Variants in SURF4 observed in about 807,000 individuals in gnomAD.
SURF4 encodes the protein surfeit locus protein 4.
A neutral mutation model predicts 30.0 loss-of-function variants in SURF4; 3 were observed. That is an observed-to-expected ratio of 0.10 (90% CI 0.05 to 0.26). The LOEUF (loss-of-function observed/expected upper bound fraction) is 0.26, where lower values mean the gene tolerates loss of function less well. Ranked by LOEUF, SURF4 falls within the 10% of genes least tolerant of loss-of-function variation. The probability of loss-of-function intolerance (pLI) is 1.00; values close to 1 mark genes in which losing one functional copy is unlikely to be tolerated. For synonymous variants in SURF4, 143 were observed against 139.9 expected, an observed-to-expected ratio of 1.02 and a Z score of -0.16; for missense variants, 217 against 350.8, an observed-to-expected ratio of 0.62 and a Z score of 3.05.
intron 1 of SURF4, chr9:133,370,939 A>C (rs2130185026): frequency 2.3e-6 from 3 of 1,289,714 alleles, no homozygotes; most frequent in Non-Finnish European, 3.0e-6. Context: ...GATATGGTTC[A>C]TAAGCAGTGA....
intron 1 of SURF4, among the ~76,000 whole-genome samples, chr9:133,373,718 A>ACCAGCC (rs1837647790): frequency 2.6e-5 from 4 of 151,816 alleles, no homozygotes; most frequent in Non-Finnish European, 5.9e-5. Flanking sequence ...GGGAGTTCGA[A>ACCAGCC]ACCAGCCTGG....
In SURF4 at chr9:133,364,816, G is replaced by A; in HGVS notation, c.543+24C>T. 2.5e-6 allele frequency: 4 copies of A among 1,613,400 alleles called. No individual in the cohort carries two copies. In the South Asian group the frequency reaches 4.4e-5, roughly 18 times the overall value. ...ACAGCATTCACAGGAAACCAGACCG[G>A]TTCAGGCAAGTAGGAATACTTACAG... On this transcript the variant is annotated intron_variant, in intron 5 of 5. Transcript: ENST00000371989.
At chr9:133,367,139 A>G (rs1302708616) in intron 2 of SURF4, 120 bp downstream of exon 2, 33 of 1,282,126 alleles carry the variant, frequency 2.6e-5, no homozygotes, top group Non-Finnish European at 3.5e-5. Context: ...GCTGGAGAAG[A>G]GGGGAATGGA....
At position 133,363,440 on chromosome 9, in the gene SURF4, A is replaced by C. The variant is rs1002662178; in HGVS notation, c.*53T>G. On this transcript the variant is annotated 3_prime_UTR_variant, in exon 6 of 6. Transcript: ENST00000371989. This position sits in a 1 kb window ranked among gnomAD's most constrained non-coding sequence, Gnocchi z 4.3. Reference sequence around the variant, plus strand: ...GGCAGTTTTGTTGAATCCACCCCGAACCAGTCCTTGACGGCCACGGGTCTT... The same window carrying C: ...GGCAGTTTTGTTGAATCCACCCCGACCCAGTCCTTGACGGCCACGGGTCTT... 1.1e-5 allele frequency: 18 copies of C among 1,614,126 alleles called. No homozygotes were observed. Among genetic ancestry groups the C allele is most frequent in the Non-Finnish European group, 1.5e-5 (18 of 1,179,998 alleles).
Position 133,375,981 on chromosome 9 carries a change from G to A in SURF4, c.-12C>T. On this transcript the variant is annotated 5_prime_UTR_variant, in exon 1 of 6. Coordinates refer to ENST00000371989, the MANE Select transcript of SURF4 (RefSeq NM_033161.4). ...TCGTTCTGGCCCATGGCGACGGCGG[G>A]AGGCTCGGCTCGGCTCGCTCGCTCG... is the stretch of plus-strand genomic sequence containing the variant. 4 of 1,228,050 alleles carry A rather than the reference G, an allele frequency of 3.3e-6. No individual in the cohort carries two copies. Among genetic ancestry groups the A allele is most frequent in the Non-Finnish European group, 4.1e-6 (4 of 981,992 alleles). The allele number at this position is 1,228,050 out of a possible 1,614,324, so 76.1% of individuals were successfully genotyped here.
upstream of SURF4, chr9:133,376,244 T>C: frequency 6.2e-6 from 8 of 1,298,360 alleles, no homozygotes; most frequent in Non-Finnish European, 6.8e-6. Context: ...GCCACGCCTC[T>C]CACGCTGGAG....
intron 1 of SURF4, 128 bp from the exon 2 acceptor site, chr9:133,367,573 C>A: frequency 6.5e-7 from 1 of 1,540,124 alleles, no homozygotes; most frequent in East Asian, 2.4e-5. Flanking sequence ...TTGTCAGCCC[C>A]GGTGCCTTCC....
At chr9:133,367,623 G>A (rs1364353143) in intron 1 of SURF4, 178 bp from the exon 2 acceptor site, 41 of 1,464,990 alleles carry the variant, frequency 2.8e-5, no homozygotes, top group Middle Eastern at 4.9e-4. Flanking sequence ...GCTCCTGAGC[G>A]CTACCCTGTG....
At chr9:133,376,690 C>G (rs1468784082), upstream of SURF4, 1 of 753,842 alleles carries the variant, frequency 1.3e-6, no homozygotes. Context: ...CCTGCAGCTC[C>G]TAGGTTGAAC....
chr9:133,363,767 G>A lies in SURF4; in HGVS notation c.544-8C>T, dbSNP rs2130092186. Reference sequence around the variant, plus strand: ...CACGATGTTCTGGACAATCTGCATAGGTTGAAACGTAAGAAATTCAAAATA... The same window carrying A: ...CACGATGTTCTGGACAATCTGCATAAGTTGAAACGTAAGAAATTCAAAATA... On this transcript the variant is annotated splice_polypyrimidine_tract_variant and splice_region_variant and intron_variant, in intron 5 of 5. Transcript: ENST00000371989. This position sits in a 1 kb window ranked among gnomAD's most constrained non-coding sequence, Gnocchi z 4.3. 9 of 1,613,566 alleles carry A rather than the reference G, an allele frequency of 5.6e-6. No individual in the cohort carries two copies. Among genetic ancestry groups the A allele is most frequent in the Non-Finnish European group, 7.6e-6 (9 of 1,179,616 alleles).
chr9:133,375,354 G>C, intron 1 of SURF4: 3 of 984,716 alleles, frequency 3.0e-6, no homozygotes, highest in Non-Finnish European at 3.6e-6. Context: ...GGGAGACGCA[G>C]ACAGGGTCAA....
rs1372820825 is a variant in SURF4, at chr9:133,364,760, G to A, written c.543+80C>T. ...AGGCTGTGGTTAATACCCAACCAGGGAGGGGTGAGCAGGGAGGGGGTGGGG... is the reference window on the plus strand; with the variant it reads ...AGGCTGTGGTTAATACCCAACCAGGAAGGGGTGAGCAGGGAGGGGGTGGGG... On this transcript the variant is annotated intron_variant, in intron 5 of 5. Coordinates refer to ENST00000371989, the MANE Select transcript of SURF4 (RefSeq NM_033161.4). 4 of 1,440,532 alleles carry A rather than the reference G, an allele frequency of 2.8e-6. No homozygotes were observed. The African/African-American group carries it at 5.6e-5, about 20-fold the overall frequency. 89.2% of individuals were successfully genotyped at this position (1,440,532 alleles called of 1,614,324 possible).
At chr9:133,369,307 G>T (rs1362790280) in intron 1 of SURF4, among the ~76,000 whole-genome samples, 4 of 152,182 alleles carry the variant, frequency 2.6e-5, no homozygotes, top group Non-Finnish European at 4.4e-5. Context: ...CACCAAGTGG[G>T]TTTGGGAGAT....
At position 133,362,445 on chromosome 9, in the gene SURF4, G is replaced by A. The variant is rs965149354; in HGVS notation, c.*1048C>T. Reference sequence around the variant, plus strand: ...GGCATAGCAAACGGACAATCTGAGTGAGCGACAGCCTCAGGAAAGTGGTGT... The same window carrying A: ...GGCATAGCAAACGGACAATCTGAGTAAGCGACAGCCTCAGGAAAGTGGTGT... On this transcript the variant is annotated 3_prime_UTR_variant, in exon 6 of 6. Transcript: ENST00000371989. The A allele has an allele frequency of 1.3e-5, 2 of 152,692 alleles. No individual in the cohort carries two copies. The highest frequency in any genetic ancestry group is 1.5e-5 in the Non-Finnish European group (1 of 68,044). 9.5% of individuals were successfully genotyped at this position (152,692 alleles called of 1,614,324 possible). A position where few individuals can be genotyped will look rare whatever the true frequency, so the allele number is the denominator to read the frequency against.
upstream of SURF4, chr9:133,376,108 C>T (rs1324600495): frequency 8.3e-6 from 10 of 1,202,810 alleles, no homozygotes; most frequent in Non-Finnish European, 1.0e-5. Context: ...CCAGCGGCTG[C>T]CACGTAGGCC....
chr9:133,371,555 C>A (rs1258385545), intron 1 of SURF4, among the ~76,000 whole-genome samples: 1 of 152,250 alleles, frequency 6.6e-6, no homozygotes, highest in African/African-American at 2.4e-5. Context: ...CTGGGAGGAG[C>A]CCCGCTAACC....
At position 133,362,282 on chromosome 9, in the gene SURF4, C is replaced by G. The variant is rs1023829142; in HGVS notation, c.*1211G>C. The stretch of plus-strand genomic sequence containing the variant: ...CTTGTGGCATTTACTATGGTGCAGA[C>G]GACAGGGAGCAACAAGCAGTTAAGC... On this transcript the variant is annotated 3_prime_UTR_variant, in exon 6 of 6. Transcript: ENST00000371989. 2 of 152,404 alleles carry G rather than the reference C, an allele frequency of 1.3e-5. No individual in the cohort carries two copies. Among genetic ancestry groups the G allele is most frequent in the Admixed American group, 1.3e-4 (2 of 15,264 alleles). The allele number at this position is 152,404 out of a possible 1,614,324, so 9.4% of individuals were successfully genotyped here. A position where few individuals can be genotyped will look rare whatever the true frequency, so the allele number is the denominator to read the frequency against.
chr9:133,368,403 C>T (rs1837304071), intron 1 of SURF4, among the ~76,000 whole-genome samples: 1 of 152,246 alleles, frequency 6.6e-6, no homozygotes, highest in Admixed American at 6.5e-5. Flanking sequence ...AGGGCTGGCG[C>T]TTCCCAGCCC....
rs71824689 is a variant in SURF4 at position 133,373,909 on chromosome 9, C to CAAAAAAAAAAAAAAAAAAAAAAAAAAAA, written c.48+2012_48+2013insTTTTTTTTTTTTTTTTTTTTTTTTTTTT. ...CTCCAGCCTGAGCGAAATTCTGTCT[C>CAAAAAAAAAAAAAAAAAAAAAAAAAAAA]AAAAAAAAAAAAAAAAAAAAAAAAA... On this transcript the variant is annotated intron_variant, in intron 1 of 5. Transcript: ENST00000371989. Among the ~76,000 whole-genome samples, 10 of 47,526 alleles carry CAAAAAAAAAAAAAAAAAAAAAAAAAAAA rather than the reference C, an allele frequency of 2.1e-4. 2 individuals carry two copies. The highest frequency in any genetic ancestry group is 4.4e-4 in the Non-Finnish European group (9 of 20,654). The allele number at this position is 47,526 out of a possible 152,430, so 31.2% of individuals were successfully genotyped here. A position where few individuals can be genotyped will look rare whatever the true frequency, so the allele number is the denominator to read the frequency against.
Sources: allele counts gnomAD v4.1 joint callset (sites outside exome capture counted in the v4.1 genomes callset), GRCh38; gene constraint gnomAD v4.1.1; non-coding constraint Gnocchi (gnomAD v3.1); transcripts MANE v1.5; gene names NCBI Gene and HGNC (gene_info 2026-07-23, HGNC 2026-07-21).